The following PICALM variants were observed in gnomAD, a reference collection of about 807,000 sequenced individuals.
PICALM encodes phosphatidylinositol binding clathrin assembly protein.
In PICALM, 40 loss-of-function variants were observed where a neutral mutation model predicts 80.5. The ratio of observed to expected loss-of-function variants is 0.50; its 90% CI spans 0.39 to 0.65. PICALM has a LOEUF of 0.65. Ranked by LOEUF, PICALM falls within the 30% of genes least tolerant of loss-of-function variation. The pLI is 0.00. For missense variants in PICALM, 676 were observed against 778.9 expected, an observed-to-expected ratio of 0.87 and a Z score of 1.57; for synonymous variants, 288 against 260.3, an observed-to-expected ratio of 1.11 and a Z score of -1.02.
At chr11:86,059,629 G>T (rs1241157617) in intron 1 of PICALM, among the ~76,000 whole-genome samples, 2 of 152,120 alleles carry the variant, frequency 1.3e-5, no homozygotes, top group African/African-American at 4.8e-5. Context: ...GGGCATGGTG[G>T]CACACACCTG....
At chr11:85,973,474 A>G (rs1273526696) in intron 19 of PICALM, among the ~76,000 whole-genome samples, 1 of 152,200 alleles carries the variant, frequency 6.6e-6, no homozygotes, top group East Asian at 1.9e-4. Context: ...CACATTAACA[A>G]AACTTTTATT....
At chr11:86,048,629 C>T (rs577619199) in intron 1 of PICALM, among the ~76,000 whole-genome samples, 8 of 150,288 alleles carry the variant, frequency 5.3e-5, no homozygotes, top group African/African-American at 1.5e-4. Flanking sequence ...ATCAGGAGGT[C>T]GAGACCATCC....
chr11:85,974,622 T>C, intron 19 of PICALM, 86 bp downstream of exon 19: 1 of 868,426 alleles, frequency 1.2e-6, no homozygotes, highest in Non-Finnish European at 2.0e-6. Flanking sequence ...TAGTAACTTG[T>C]TTCTCAAGTT....
chr11:86,052,184 G>A (rs944249929), intron 1 of PICALM, among the ~76,000 whole-genome samples: 1 of 152,136 alleles, frequency 6.6e-6, no homozygotes, highest in Non-Finnish European at 1.5e-5. Flanking sequence ...TAGTGAGTGA[G>A]TTCTCATGAG....
chr11:86,030,022 G>A (rs1428032450), intron 2 of PICALM, among the ~76,000 whole-genome samples: 1 of 151,860 alleles, frequency 6.6e-6, no homozygotes, highest in Non-Finnish European at 1.5e-5. Flanking sequence ...TCAATGTGGT[G>A]GTATAACGAT....
intron 12 of PICALM, among the ~76,000 whole-genome samples, chr11:85,994,169 T>C (rs959328253): frequency 7.9e-5 from 12 of 152,232 alleles, no homozygotes; most frequent in South Asian, 2.1e-4. Context: ...ACTGATAATA[T>C]TGTATATTTT....
In PICALM at chr11:85,981,934, T is replaced by A. The variant is rs201601250; in HGVS notation, c.1586A>T (p.Lys529Ile). ...AGATACTAACTTGCTAGGTGGGAGTTTGGCAACAGGAAGGTTCTGGTTCTG... is the reference window on the plus strand; with the variant it reads ...AGATACTAACTTGCTAGGTGGGAGTATGGCAACAGGAAGGTTCTGGTTCTG... ...ASQNQNLPVA[K>I]LPPSKLVSDD... The change falls in exon 15 of 20, where the codon AAA becomes ATA. Residue 529 changes from lysine to isoleucine, a missense_variant. Lys to Ile is a moderately radical substitution (Grantham distance 102). Around this residue, in one of 2 missense-constraint regions of PICALM, gnomAD observed 391 missense variants for 383.6 expected, o/e 1.02. Coordinates refer to ENST00000393346, the MANE Select transcript of PICALM (RefSeq NM_007166.4). The A allele has an allele frequency of 1.2e-6, 2 of 1,613,272 alleles. 1 individual carries two copies. Among genetic ancestry groups the A allele is most frequent in the South Asian group, 2.2e-5 (2 of 91,060 alleles).
At chr11:86,041,195 C>T (rs2095958563) in intron 1 of PICALM, among the ~76,000 whole-genome samples, 1 of 152,168 alleles carries the variant, frequency 6.6e-6, no homozygotes, top group African/African-American at 2.4e-5. Flanking sequence ...TAGCAGGATA[C>T]ACCTTAAATA....
At chr11:86,027,478 C>T (rs2095667282) in intron 2 of PICALM, among the ~76,000 whole-genome samples, 1 of 151,118 alleles carries the variant, frequency 6.6e-6, no homozygotes, top group South Asian at 2.1e-4. Flanking sequence ...CTAGGATGTA[C>T]ACCATCACCT....
At chr11:86,060,600 T>C (rs1593488881) in intron 1 of PICALM, among the ~76,000 whole-genome samples, 1 of 152,162 alleles carries the variant, frequency 6.6e-6, no homozygotes. Flanking sequence ...ACAAACTTGC[T>C]GAAATGGTCT....
At chr11:86,017,096 G>A (rs949852869) in intron 4 of PICALM, among the ~76,000 whole-genome samples, 5 of 151,972 alleles carry the variant, frequency 3.3e-5, no homozygotes, top group African/African-American at 4.8e-5. Context: ...AGTGGCATGC[G>A]CCTATAGTCC....
In PICALM at chr11:85,960,839, A is replaced by C. The variant is rs977763027; in HGVS notation, c.1945-1779T>G. 8 of 710,480 alleles carry C rather than the reference A, an allele frequency of 1.1e-5. No individual in the cohort carries two copies. In the African/African-American group the frequency reaches 1.5e-4, roughly 14 times the overall value. The allele number at this position is 710,480 out of a possible 1,614,324, so 44.0% of individuals were successfully genotyped here. Reference sequence around the variant, plus strand: ...AAGATCTCAGAATGACAGAACATGAAAGCAGAAAATGTATGAAAGAAGAAG... The same window carrying C: ...AAGATCTCAGAATGACAGAACATGACAGCAGAAAATGTATGAAAGAAGAAG... On this transcript the variant is annotated intron_variant, in intron 19 of 19. Transcript: ENST00000393346.
intron 13 of PICALM, among the ~76,000 whole-genome samples, chr11:85,990,046 A>T (rs112082731): frequency 2.6e-5 from 4 of 151,522 alleles, no homozygotes; most frequent in African/African-American, 9.7e-5. Flanking sequence ...CATCAAGAGA[A>T]ATTTTCCTAA....
intron 3 of PICALM, chr11:86,023,654 A>C (rs910918766): frequency 2.8e-6 from 2 of 713,104 alleles, no homozygotes; most frequent in Non-Finnish European, 3.4e-6. Flanking sequence ...ACTTGGATAT[A>C]TGCATAAACT....
intron 8 of PICALM, among the ~76,000 whole-genome samples, chr11:86,006,492 C>CG (rs2095279689): frequency 6.6e-6 from 1 of 151,964 alleles, no homozygotes; most frequent in Non-Finnish European, 1.5e-5. Flanking sequence ...ACTAAAAATA[C>CG]GAAAATTAGC....
At chr11:85,983,283 A>G (rs1231603661) in intron 14 of PICALM, among the ~76,000 whole-genome samples, 1 of 152,236 alleles carries the variant, frequency 6.6e-6, no homozygotes, top group East Asian at 1.9e-4. Context: ...CAAATTAACA[A>G]GGTATTAATG....
rs146219243 is a variant in PICALM, at chr11:85,967,102, T to C, written c.1944+7606A>G. Among the ~76,000 whole-genome samples, 700 of 152,320 alleles carry C rather than the reference T, an allele frequency of 4.6e-3. 4 individuals carry two copies. The highest frequency in any genetic ancestry group is 0.016 in the African/African-American group (674 of 41,560). ...GCTGGTTCCAAGGCTGGTGTTTTTT[T>C]CCTCTTCAAACTCTGCTATCCCAAT... On this transcript the variant is annotated intron_variant, in intron 19 of 19. Transcript: ENST00000393346.
rs375111751 is a variant in PICALM at position 85,972,736 on chromosome 11, T to TA, written c.1944+1971dup. On this transcript the variant is annotated intron_variant, in intron 19 of 19. Coordinates refer to ENST00000393346, the MANE Select transcript of PICALM (RefSeq NM_007166.4). ...TAAATACATTTAGGTTTCTATCACT[T>TA]AGTCTCTTGTACCAAAATAATAATA... is the stretch of plus-strand genomic sequence containing the variant. Among the ~76,000 whole-genome samples the TA allele has an allele frequency of 8.5e-5, 13 of 152,308 alleles. No homozygotes were observed. In the East Asian group the frequency reaches 2.5e-3, roughly 29 times the overall value.
At chr11:86,023,351 T>C in intron 3 of PICALM, 1 of 453,478 alleles carries the variant, frequency 2.2e-6, no homozygotes, top group Non-Finnish European at 2.9e-6. Context: ...GCCTATTAAG[T>C]ACCAGTGGAG....
Sources: gnomAD v4.1 joint callset for allele counts (sites outside exome capture counted in the v4.1 genomes callset) on GRCh38, gnomAD v4.1.1 for gene constraint, gnomAD v4.1.1 regional missense constraint, MANE v1.5 for transcripts, NCBI Gene and HGNC (gene_info 2026-07-23, HGNC 2026-07-21) for gene names.